MRPL44: variants seen among roughly 807,000 people sequenced by gnomAD.
MRPL44 encodes the protein mitochondrial ribosomal protein L44.
A neutral mutation model predicts 25.9 loss-of-function variants in MRPL44; 21 were observed. The ratio of observed to expected loss-of-function variants is 0.81; its 90% CI spans 0.58 to 1.17. The LOEUF (loss-of-function observed/expected upper bound fraction) is 1.17. MRPL44 is among the 50% of genes most tolerant of loss of function. The pLI, the probability that MRPL44 is intolerant of heterozygous loss-of-function variation, is 0.00. For missense variants in MRPL44, 410 were observed against 398.9 expected (o/e 1.03, Z -0.24); for synonymous variants, 169 against 151.0 (o/e 1.12, Z -0.87).
At chr2:223,965,096 T>C (rs1194080222) in intron 3 of MRPL44, among the ~76,000 whole-genome samples, 1 of 152,126 alleles carries the variant, frequency 6.6e-6, no homozygotes, top group Admixed American at 6.5e-5. Flanking sequence ...TGATTACTAT[T>C]GGATAGTAGT....
chr2:223,964,003 T>TTA, intron 3 of MRPL44, 69 bp downstream of exon 3: 1 of 1,243,210 alleles, frequency 8.0e-7, no homozygotes, highest in Non-Finnish European at 1.1e-6. Context: ...TCACAAAGCC[T>TTA]TAAAAACACT....
chr2:223,951,217 G>A, the MRPL44 span, among the ~76,000 whole-genome samples: 1 of 152,244 alleles, frequency 6.6e-6, no homozygotes, highest in Non-Finnish European at 1.5e-5. Flanking sequence ...AAACCTGATT[G>A]AAGTGAGTTC....
At chr2:223,961,852 C>G (rs1689664752) in intron 2 of MRPL44, among the ~76,000 whole-genome samples, 1 of 152,194 alleles carries the variant, frequency 6.6e-6, no homozygotes, top group African/African-American at 2.4e-5. Context: ...AAAAATTGAG[C>G]TTTCTTTCTA....
At chr2:223,951,941 G>A in the MRPL44 span, among the ~76,000 whole-genome samples, 1 of 152,170 alleles carries the variant, frequency 6.6e-6, no homozygotes, top group Non-Finnish European at 1.5e-5. Flanking sequence ...ATTGTAATAA[G>A]TTCTTACCTT....
chr2:223,963,989 C>T (rs768648153), intron 3 of MRPL44, 55 bp downstream of exon 3: 236 of 1,439,842 alleles, frequency 1.6e-4, no homozygotes, highest in Non-Finnish European at 2.2e-4. Context: ...TAAAAACAGA[C>T]TCCTCACAAA....
rs181184342 is a variant in MRPL44, at chr2:223,966,881, A to G, written c.846A>G (p.Ala282=). The change falls in exon 4 of 4, where the codon GCA becomes GCG. Residue 282 remains alanine (A), a synonymous_variant. Transcript: ENST00000258383. ...VGLYCDKKLI[A]EGPGETVLVA... Reference sequence around the variant, plus strand: ...TTTCTAGTGATAAAAAGTTGATTGCAGAAGGACCTGGGGAAACAGTATTGG... The same window carrying G: ...TTTCTAGTGATAAAAAGTTGATTGCGGAAGGACCTGGGGAAACAGTATTGG... 6.2e-7 allele frequency: 1 copy of G among 1,612,176 alleles called. No individual in the cohort carries two copies. The highest frequency in any genetic ancestry group is 8.5e-7 in the Non-Finnish European group (1 of 1,179,530).
upstream of MRPL44, among the ~76,000 whole-genome samples, chr2:223,954,749 T>C (rs1019433555): frequency 6.6e-6 from 1 of 152,174 alleles, no homozygotes; most frequent in Admixed American, 6.5e-5. Context: ...AACCCCAGAA[T>C]TGATAAAAAC....
At position 223,967,049 on chromosome 2, in the gene MRPL44, G is replaced by T. The variant is rs1689753203; in HGVS notation, c.*15G>T. On this transcript the variant is annotated 3_prime_UTR_variant, in exon 4 of 4. Coordinates refer to ENST00000258383, the MANE Select transcript of MRPL44 (RefSeq NM_022915.5). ...CTGCCAGCTAGCCGCCATGGATGCA[G>T]CAGCCTGAAACTTGAGAGCGAAAGT... 1 of 1,587,394 alleles carries T rather than the reference G, an allele frequency of 6.3e-7. No homozygotes were observed. Among genetic ancestry groups the T allele is most frequent in the South Asian group, 1.1e-5 (1 of 87,104 alleles).
At chr2:223,952,395 A>C in the MRPL44 span, among the ~76,000 whole-genome samples, 1 of 152,076 alleles carries the variant, frequency 6.6e-6, no homozygotes, top group Non-Finnish European at 1.5e-5. Flanking sequence ...CTCTGGTACC[A>C]TCTGTTCCCT....
chr2:223,961,374 C>G (rs1689658920), intron 2 of MRPL44, among the ~76,000 whole-genome samples: 1 of 152,184 alleles, frequency 6.6e-6, no homozygotes, highest in East Asian at 1.9e-4. Context: ...GCAAAGTGAT[C>G]AGAGATAAGT....
chr2:223,964,501 A>T (rs897109893), intron 3 of MRPL44, among the ~76,000 whole-genome samples: 1 of 152,228 alleles, frequency 6.6e-6, no homozygotes, highest in Non-Finnish European at 1.5e-5. Context: ...TATTTTTCTA[A>T]TCCTTGTATC....
Position 223,957,485 on chromosome 2 carries a change from C to G in MRPL44, c.13C>G (p.Leu5Val). The change falls in exon 1 of 4, where the codon CTG (leucine) becomes GTG (valine). Residue 5 changes from leucine (L) to valine (V), a missense_variant. Physicochemically the swap from Leu to Val is conservative, Grantham distance 32 (BLOSUM62 1). Transcript: ENST00000258383. MASG[L>V]VRLLQQGHRC... ...TTTCTCTCGTGCAATGGCGTCCGGG[C>G]TGGTAAGATTGCTGCAGCAGGGACA... 1 of 1,614,182 alleles carries G rather than the reference C, an allele frequency of 6.2e-7. No homozygotes were observed. Among genetic ancestry groups the G allele is most frequent in the Non-Finnish European group, 8.5e-7 (1 of 1,180,026 alleles).
At chr2:223,966,403 T>A (rs557123835) in intron 3 of MRPL44, among the ~76,000 whole-genome samples, 2 of 152,318 alleles carry the variant, frequency 1.3e-5, no homozygotes, top group Non-Finnish European at 2.9e-5. Flanking sequence ...ACATTAAAAA[T>A]AAAAATAGTC....
At chr2:223,959,483 A>G in intron 1 of MRPL44, 51 bp from the exon 2 acceptor site, 1 of 1,363,960 alleles carries the variant, frequency 7.3e-7, no homozygotes, top group Non-Finnish European at 1.0e-6. Context: ...TTTTTATATC[A>G]CAGTAACAGG....
chr2:223,965,519 G>A (rs367912106), intron 3 of MRPL44, among the ~76,000 whole-genome samples: 1 of 152,188 alleles, frequency 6.6e-6, no homozygotes, highest in Non-Finnish European at 1.5e-5. Context: ...GAATTGCACA[G>A]ATGAAATTTT....
chr2:223,952,440 G>A, the MRPL44 span, among the ~76,000 whole-genome samples: 1 of 152,016 alleles, frequency 6.6e-6, no homozygotes, highest in African/African-American at 2.4e-5. Flanking sequence ...TAATCTCTTA[G>A]GCCTTTCAGT....
intron 3 of MRPL44, among the ~76,000 whole-genome samples, chr2:223,964,614 A>G (rs1376384505): frequency 1.3e-5 from 2 of 152,192 alleles, no homozygotes; most frequent in Non-Finnish European, 2.9e-5. Context: ...ACAGTGAGAT[A>G]CTCTTTGTTA....
At chr2:223,961,876 A>G (rs781496669) in intron 2 of MRPL44, among the ~76,000 whole-genome samples, 6 of 152,224 alleles carry the variant, frequency 3.9e-5, no homozygotes, top group African/African-American at 4.8e-5. Flanking sequence ...TCCTACTAAT[A>G]TCTTAGATGA....
the MRPL44 span, among the ~76,000 whole-genome samples, chr2:223,952,232 A>G: frequency 6.6e-6 from 1 of 152,162 alleles, no homozygotes; most frequent in African/African-American, 2.4e-5. Context: ...GAAAGAAGAA[A>G]CCAGGGTATT....
Sources: gnomAD v4.1 joint callset for allele counts (sites outside exome capture counted in the v4.1 genomes callset) on GRCh38, gnomAD v4.1.1 for gene constraint, MANE v1.5 for transcripts, NCBI Gene and HGNC (gene_info 2026-07-23, HGNC 2026-07-21) for gene names.